VMAC: variants seen among roughly 807,000 people sequenced by gnomAD.
VMAC encodes the protein vimentin-type intermediate filament-associated coiled-coil protein.
VMAC carries 8 observed loss-of-function variants against 4.8 expected under a neutral mutation model. That is an observed-to-expected ratio of 1.68 (90% confidence interval 0.99 to 3.03). The LOEUF (loss-of-function observed/expected upper bound fraction) is 3.03. VMAC is among the 30% of genes most tolerant of loss of function. The pLI is 0.00. For synonymous variants in VMAC, 96 were observed against 113.7 expected (o/e 0.84, Z 0.99); for missense variants, 248 against 245.1 (o/e 1.01, Z -0.08).
chr19:5,909,048 C>A lies in VMAC; in HGVS notation c.416C>A (p.Pro139His). 1.9e-6 allele frequency: 3 copies of A among 1,567,408 alleles called. No individual in the cohort carries two copies. Among genetic ancestry groups the A allele is most frequent in the Non-Finnish European group, 1.7e-6 (2 of 1,158,822 alleles). Residue 139 changes from proline to histidine, a missense_variant, in exon 2 of 2, where the codon CCC (proline) becomes CAC (histidine). Physicochemically the swap from Pro to His is moderately conservative, Grantham distance 77. Transcript: ENST00000339485. ...PLPASDPGHP[P>H]PGGPGPPLDN... ...CCGGCCAGTGACCCCGGCCACCCAC[C>A]CCCCGGTGGGCCTGGTCCACCCCTT...
chr19:5,905,227 A>C (rs2057674290), intron 1 of VMAC, 146 bp downstream of exon 1: 2 of 935,050 alleles, frequency 2.1e-6, no homozygotes, highest in African/African-American at 1.7e-5. Flanking sequence ...ACACCAAAAA[A>C]CTCGAATTAG....
rs188039935 is a variant in VMAC at position 5,909,487 on chromosome 19, T to G, written c.*345T>G. ...AGGGTGTGAGTTTCTGTTTTTTGTT[T>G]TTTTTTTTTTAAGACAGAGTCCCAC... is the stretch of plus-strand genomic sequence containing the variant. On this transcript the variant is annotated 3_prime_UTR_variant, in exon 2 of 2. Transcript: ENST00000339485. 2.7e-4 allele frequency: 56 copies of G among 204,168 alleles called. No homozygotes were observed. Among genetic ancestry groups the G allele is most frequent in the South Asian group, 7.0e-4 (8 of 11,356 alleles). The allele number at this position is 204,168 out of a possible 1,614,324, so 12.6% of individuals were successfully genotyped here.
At position 5,909,201 on chromosome 19, in the gene VMAC, A is replaced by G; in HGVS notation, c.*59A>G. The G allele has an allele frequency of 6.6e-7, 1 of 1,506,688 alleles. No individual in the cohort carries two copies. Among genetic ancestry groups the G allele is most frequent in the Non-Finnish European group, 8.8e-7 (1 of 1,131,544 alleles). 93.3% of individuals were successfully genotyped at this position (1,506,688 alleles called of 1,614,324 possible). On this transcript the variant is annotated 3_prime_UTR_variant, in exon 2 of 2. Transcript: ENST00000339485. ...AGCCACTGCTGTCAGTGTCCTTGGG[A>G]GTCACCAGCACCCTGCAGGGGGACC... is the stretch of plus-strand genomic sequence containing the variant.
chr19:5,907,623 A>AAAAAAACAAAAC (rs1429192021), intron 1 of VMAC, among the ~76,000 whole-genome samples: 6 of 138,386 alleles, frequency 4.3e-5, no homozygotes, highest in African/African-American at 1.3e-4. Flanking sequence ...AAAAAAAAAA[A>AAAAAAACAAAAC]AAAAAAAAAA....
Position 5,908,755 on chromosome 19 carries a change from T to G in VMAC, c.192-69T>G. On this transcript the variant is annotated intron_variant, in intron 1 of 1. Coordinates refer to ENST00000339485, the MANE Select transcript of VMAC (RefSeq NM_001017921.4). This position sits in a 1 kb window ranked among gnomAD's most constrained non-coding sequence, Gnocchi z 4.5. ...AAGGTGATGGGGAACCTCTTGCGGG[T>G]CCAGAGCAGGGAGGAGCAGGTGCTG... 1 of 1,555,684 alleles carries G rather than the reference T, an allele frequency of 6.4e-7. No individual in the cohort carries two copies. Among genetic ancestry groups the G allele is most frequent in the Middle Eastern group, 1.7e-4 (1 of 5,870 alleles).
rs759193324 is a variant in VMAC, at chr19:5,908,891, G to A, written c.259G>A (p.Val87Met). Residue 87 changes from valine (V) to methionine (M), a missense_variant, in exon 2 of 2, where the codon GTG becomes ATG. By Grantham distance (21) the Val-to-Met change is conservative (BLOSUM62 1). Transcript: ENST00000339485. This position sits in a 1 kb window ranked among gnomAD's most constrained non-coding sequence, Gnocchi z 4.5. ...EATVHSLQAT[V>M]HQRDELIRQL... ...CACTGTCCACAGCCTGCAGGCCACC[G>A]TGCACCAGAGGGACGAGCTCATTAG... 11 of 1,613,974 alleles carry A rather than the reference G, an allele frequency of 6.8e-6. No individual in the cohort carries two copies. The South Asian group carries it at 7.7e-5, about 11-fold the overall frequency.
Position 5,909,244 on chromosome 19 carries a change from T to C in VMAC, c.*102T>C. 1 of 1,334,588 alleles carries C rather than the reference T, an allele frequency of 7.5e-7. No individual in the cohort carries two copies. Among genetic ancestry groups the C allele is most frequent in the South Asian group, 1.4e-5 (1 of 71,886 alleles). 82.7% of individuals were successfully genotyped at this position (1,334,588 alleles called of 1,614,324 possible). On this transcript the variant is annotated 3_prime_UTR_variant, in exon 2 of 2. Coordinates refer to ENST00000339485, the MANE Select transcript of VMAC (RefSeq NM_001017921.4). Reference sequence around the variant, plus strand: ...GGGGGACCCTACGGCAGAGCCAAAGTCCTGTCTAAGCATCAGAACAGGCTG... The same window carrying C: ...GGGGGACCCTACGGCAGAGCCAAAGCCCTGTCTAAGCATCAGAACAGGCTG...
rs2057687449 is a variant in VMAC at position 5,908,671 on chromosome 19, T to C, written c.192-153T>C. 6.6e-6 allele frequency among the ~76,000 whole-genome samples: 1 copy of C among 151,444 alleles called. No individual in the cohort carries two copies. Among genetic ancestry groups the C allele is most frequent in the Non-Finnish European group, 1.5e-5 (1 of 67,726 alleles). The stretch of plus-strand genomic sequence containing the variant: ...TAATAATAATAAAAACAAAGAAACA[T>C]TCTGTTCATAACCAGGGAGGACCCT... On this transcript the variant is annotated intron_variant, in intron 1 of 1. Transcript: ENST00000339485. This position sits in a 1 kb window ranked among gnomAD's most constrained non-coding sequence, Gnocchi z 4.5.
chr19:5,907,187 CCT>C (rs1022281564), intron 1 of VMAC, among the ~76,000 whole-genome samples: 4 of 152,252 alleles, frequency 2.6e-5, no homozygotes, highest in African/African-American at 9.6e-5. Context: ...CTCTCTGTGT[CCT>C]CACAGGGCAG....
At chr19:5,905,662 C>T (rs1314921603) in intron 1 of VMAC, among the ~76,000 whole-genome samples, 1 of 151,958 alleles carries the variant, frequency 6.6e-6, no homozygotes, top group Admixed American at 6.6e-5. Context: ...CTCAGGTGAT[C>T]CGCCCGCCTC....
At chr19:5,906,374 T>C (rs1213932907) in intron 1 of VMAC, among the ~76,000 whole-genome samples, 2 of 152,194 alleles carry the variant, frequency 1.3e-5, no homozygotes, top group African/African-American at 2.4e-5. Flanking sequence ...AACTATTACT[T>C]CAGAGCTAAT....
chr19:5,907,097 A>G (rs920247539), intron 1 of VMAC, among the ~76,000 whole-genome samples: 2 of 152,196 alleles, frequency 1.3e-5, no homozygotes, highest in Non-Finnish European at 2.9e-5. Context: ...AGCGTTCTGG[A>G]GGCTGGACGT....
chr19:5,906,254 G>C (rs534621834), intron 1 of VMAC, among the ~76,000 whole-genome samples: 2 of 152,356 alleles, frequency 1.3e-5, no homozygotes, highest in African/African-American at 4.8e-5. Context: ...ATAGGCACGA[G>C]CCACCATGCT....
chr19:5,906,640 G>C (rs2057679950), intron 1 of VMAC, among the ~76,000 whole-genome samples: 1 of 152,174 alleles, frequency 6.6e-6, no homozygotes, highest in African/African-American at 2.4e-5. Flanking sequence ...GCTTCCCAGA[G>C]GAAGAGCCTA....
chr19:5,909,002 G>A lies in VMAC; in HGVS notation c.370G>A (p.Ala124Thr). 6.2e-7 allele frequency: 1 copy of A among 1,602,390 alleles called. No individual in the cohort carries two copies. The highest frequency in any genetic ancestry group is 8.5e-7 in the Non-Finnish European group (1 of 1,175,042). The change falls in exon 2 of 2, where the codon GCT becomes ACT. Residue 124 changes from alanine to threonine, a missense_variant. Physicochemically the swap from Ala to Thr is moderately conservative, Grantham distance 58 (BLOSUM62 0). Transcript: ENST00000339485. ...TGGGCTGCTGGATGCCCTGGCTGAG[G>A]CTGAGCGCCTGGGGCCCCTGCCGGC... ...LAGLLDALAE[A>T]ERLGPLPASD...
chr19:5,905,461 C>T (rs572231887), intron 1 of VMAC, among the ~76,000 whole-genome samples: 1 of 152,216 alleles, frequency 6.6e-6, no homozygotes, highest in Non-Finnish European at 1.5e-5. Flanking sequence ...CTCTTGTCGC[C>T]TAGGCTGGAG....
chr19:5,908,753 G>A lies in VMAC; in HGVS notation c.192-71G>A, dbSNP rs973237385. 61 of 1,540,810 alleles carry A rather than the reference G, an allele frequency of 4.0e-5. No homozygotes were observed. The highest frequency in any genetic ancestry group is 4.4e-6 in the Non-Finnish European group (5 of 1,130,088). ...CAAAGGTGATGGGGAACCTCTTGCG[G>A]GTCCAGAGCAGGGAGGAGCAGGTGC... is the stretch of plus-strand genomic sequence containing the variant. On this transcript the variant is annotated intron_variant, in intron 1 of 1. Transcript: ENST00000339485. The surrounding 1 kb of genome is among the most constrained non-coding windows in gnomAD (Gnocchi z 4.5).
intron 1 of VMAC, among the ~76,000 whole-genome samples, chr19:5,906,954 G>A (rs1185834928): frequency 2.6e-5 from 4 of 152,224 alleles, no homozygotes; most frequent in African/African-American, 9.6e-5. Flanking sequence ...TTGAACCCAG[G>A]AGGCGGAAGT....
rs1297740951 is a variant in VMAC at position 5,904,920 on chromosome 19, G to A, written c.30G>A (p.Arg10=). The change falls in exon 1 of 2, where the codon CGG becomes CGA. Residue 10 remains arginine (R), a synonymous_variant. Transcript: ENST00000339485. MSAPPALQI[R]EANAHLAAVH... is the part of the protein sequence containing the mutation. ...CGGCGCCGCCGGCCCTGCAGATCCG[G>A]GAGGCAAACGCACACCTGGCAGCCG... 6.7e-7 allele frequency: 1 copy of A among 1,490,698 alleles called. No individual in the cohort carries two copies. Among genetic ancestry groups the A allele is most frequent in the Non-Finnish European group, 8.8e-7 (1 of 1,130,788 alleles). 92.3% of individuals were successfully genotyped at this position (1,490,698 alleles called of 1,614,324 possible). A position where few individuals can be genotyped will look rare whatever the true frequency, so the allele number is the denominator to read the frequency against.
Sources: gnomAD v4.1 joint callset for allele counts (sites outside exome capture counted in the v4.1 genomes callset) on GRCh38, gnomAD v4.1.1 for gene constraint, Gnocchi (gnomAD v3.1) non-coding constraint, MANE v1.5 for transcripts, NCBI Gene and HGNC (gene_info 2026-07-23, HGNC 2026-07-21) for gene names.